Variants in KCNJ12 observed in about 807,000 individuals in gnomAD.
KCNJ12 encodes the protein potassium inwardly rectifying channel subfamily J member 12, also known as ATP-sensitive inward rectifier potassium channel 12.
Under a neutral mutation model 22.3 loss-of-function variants are expected in KCNJ12, and 2 were observed. That is an observed-to-expected ratio of 0.09 (90% confidence interval 0.04 to 0.28). KCNJ12 has a LOEUF of 0.28. Among genes scored for constraint, KCNJ12 ranks in the 10% least tolerant of loss-of-function variants. The pLI, the probability that KCNJ12 is intolerant of heterozygous loss-of-function variation, is 1.00. For synonymous variants in KCNJ12, 117 were observed against 261.4 expected, an observed-to-expected ratio of 0.45 and a Z score of 5.33; for missense variants, 155 against 633.3, an observed-to-expected ratio of 0.24 and a Z score of 8.11.
chr17:21,388,353 T>C (rs1480268775), intron 1 of KCNJ12, among the ~76,000 whole-genome samples: 1 of 152,200 alleles, frequency 6.6e-6, no homozygotes, highest in African/African-American at 2.4e-5. Context: ...TGCCTGCGCG[T>C]GGAGCCCGAG....
chr17:21,385,345 G>A (rs1436674713), intron 1 of KCNJ12, among the ~76,000 whole-genome samples: 1 of 152,226 alleles, frequency 6.6e-6, no homozygotes, highest in Non-Finnish European at 1.5e-5. Context: ...TGGGGAGGCA[G>A]TCCATTCTCG....
At position 21,376,952 on chromosome 17, in the gene KCNJ12, C is replaced by T. The variant is rs1057474287; in HGVS notation, c.-179+39C>T. The T allele has an allele frequency of 3.3e-5, 5 of 152,138 alleles. No individual in the cohort carries two copies. The highest frequency in any genetic ancestry group is 1.2e-4 in the African/African-American group (5 of 41,556). The allele number at this position is 152,138 out of a possible 1,614,324, so 9.4% of individuals were successfully genotyped here. ...CGCGGGCGCATGGTCCCTCCCGGGC[C>T]CGGCCCCAGTTCCCCGCAGGCCGCG... On this transcript the variant is annotated intron_variant, in intron 1 of 2. Coordinates refer to ENST00000583088, the MANE Select transcript of KCNJ12 (RefSeq NM_021012.5). This position sits in a 1 kb window ranked among gnomAD's most constrained non-coding sequence, Gnocchi z 5.3.
Position 21,380,593 on chromosome 17 carries a change from G to A in KCNJ12, c.-179+3680G>A, listed in dbSNP as rs571585969. ...GCAGTAGGAATGTGAGACTTGGAGCGTGCCTCTGGGAGTTGGGGGTGGGGA... is the reference window on the plus strand; with the variant it reads ...GCAGTAGGAATGTGAGACTTGGAGCATGCCTCTGGGAGTTGGGGGTGGGGA... On this transcript the variant is annotated intron_variant, in intron 1 of 2. Coordinates refer to ENST00000583088, the MANE Select transcript of KCNJ12 (RefSeq NM_021012.5). Among the ~76,000 whole-genome samples, 135 of 152,106 alleles carry A rather than the reference G, an allele frequency of 8.9e-4. 5 individuals carry two copies. In the South Asian group the frequency reaches 0.021, roughly 24 times the overall value.
At chr17:21,409,706 CAG>C (rs1393214008) in intron 2 of KCNJ12, among the ~76,000 whole-genome samples, 6 of 152,284 alleles carry the variant, frequency 3.9e-5, no homozygotes, top group Non-Finnish European at 7.3e-5. Context: ...AGCTTTTGGG[CAG>C]AGAGACACTG....
intron 1 of KCNJ12, among the ~76,000 whole-genome samples, chr17:21,382,914 C>T (rs1450686184): frequency 1.3e-5 from 2 of 152,228 alleles, no homozygotes; most frequent in Non-Finnish European, 2.9e-5. Context: ...GAGGGTGCGA[C>T]GTGACACCTC....
chr17:21,394,623 C>T (rs1196610545), intron 1 of KCNJ12, among the ~76,000 whole-genome samples: 1 of 152,154 alleles, frequency 6.6e-6, no homozygotes, highest in African/African-American at 2.4e-5. Flanking sequence ...CTGCCCTGTG[C>T]TGGGTGATGC....
At chr17:21,384,771 T>G (rs1333523948) in intron 1 of KCNJ12, among the ~76,000 whole-genome samples, 2 of 36,062 alleles carry the variant, frequency 5.5e-5, no homozygotes, top group South Asian at 7.9e-4. Context: ...TGTTTGTTTG[T>G]TTTTTTTTTT....
At position 21,377,297 on chromosome 17, in the gene KCNJ12, C is replaced by T. The variant is rs369440895; in HGVS notation, c.-179+384C>T. Among the ~76,000 whole-genome samples the T allele has an allele frequency of 8.5e-4, 130 of 152,164 alleles. 1 individual carries two copies. Among genetic ancestry groups the T allele is most frequent in the African/African-American group, 3.0e-3 (124 of 41,530 alleles). ...TCTGGCGCGCGGCACGGGTCCTACGCGTGACCTTCCCGGAGACCCCGCGAT... is the reference window on the plus strand; with the variant it reads ...TCTGGCGCGCGGCACGGGTCCTACGTGTGACCTTCCCGGAGACCCCGCGAT... On this transcript the variant is annotated intron_variant, in intron 1 of 2. Transcript: ENST00000583088.
chr17:21,404,183 C>T (rs1905796734), intron 1 of KCNJ12, among the ~76,000 whole-genome samples: 1 of 152,152 alleles, frequency 6.6e-6, no homozygotes, highest in Non-Finnish European at 1.5e-5. Flanking sequence ...CCCTGGTTTG[C>T]ACACAGTCAG....
intron 1 of KCNJ12, among the ~76,000 whole-genome samples, chr17:21,393,400 C>T (rs1207502143): frequency 6.6e-6 from 1 of 152,108 alleles, no homozygotes; most frequent in African/African-American, 2.4e-5. Flanking sequence ...CTGACCTGCA[C>T]ACCCTGCCCC....
At chr17:21,401,054 A>T (rs1338566054) in intron 1 of KCNJ12, among the ~76,000 whole-genome samples, 7 of 152,288 alleles carry the variant, frequency 4.6e-5, no homozygotes, top group African/African-American at 1.7e-4. Flanking sequence ...TCCCCCATCA[A>T]GTTCACAAAG....
intron 1 of KCNJ12, among the ~76,000 whole-genome samples, chr17:21,406,104 A>C (rs1905914655): frequency 1.3e-5 from 2 of 152,296 alleles, no homozygotes; most frequent in Non-Finnish European, 2.9e-5. Context: ...TTGGCTTCCC[A>C]TGGCCCTGTG....
chr17:21,395,274 G>C (rs1440261491), intron 1 of KCNJ12, among the ~76,000 whole-genome samples: 1 of 126,182 alleles, frequency 7.9e-6, no homozygotes, highest in East Asian at 2.7e-4. Flanking sequence ...CAGCCTAGGC[G>C]ACACAGCAAG....
At chr17:21,406,089 C>G (rs1905913540) in intron 1 of KCNJ12, among the ~76,000 whole-genome samples, 1 of 152,298 alleles carries the variant, frequency 6.6e-6, no homozygotes, top group Admixed American at 6.5e-5. Flanking sequence ...GGCCCCCACC[C>G]CTGCTTGGCT....
chr17:21,405,733 C>G (rs868943706), intron 1 of KCNJ12, among the ~76,000 whole-genome samples: 1 of 152,284 alleles, frequency 6.6e-6, no homozygotes, highest in South Asian at 2.1e-4. Flanking sequence ...ACCATAACCC[C>G]GGGAAGCATT....
intron 1 of KCNJ12, among the ~76,000 whole-genome samples, chr17:21,404,909 G>T (rs1345255669): frequency 4.6e-5 from 7 of 152,298 alleles, no homozygotes; most frequent in Non-Finnish European, 1.0e-4. Context: ...GTGGACGTTT[G>T]CCTTTTCTGG....
intron 1 of KCNJ12, among the ~76,000 whole-genome samples, chr17:21,395,568 CAAAAAAAAAAAA>C (rs10652801): frequency 2.1e-5 from 1 of 48,140 alleles, no homozygotes; most frequent in African/African-American, 1.0e-4. Context: ...GACTTCTTCT[CAAAAAAAAAAAA>C]AAAAAAAAAA....
At position 21,416,140 on chromosome 17, in the gene KCNJ12, G is replaced by T. The variant is rs73313929; in HGVS notation, c.798G>T (p.Ser266=). The change falls in exon 3 of 3, where the codon TCG becomes TCT. Residue 266 remains serine (S), a synonymous_variant. Coordinates refer to ENST00000583088, the MANE Select transcript of KCNJ12 (RefSeq NM_021012.5). ...DKGLDRIFLV[S]PITILHEIDE... is the part of the protein sequence containing the mutation. ...GCCTGGACCGCATCTTTCTGGTGTCGCCCATCACCATCTTGCATGAGATTG... is the reference window on the plus strand; with the variant it reads ...GCCTGGACCGCATCTTTCTGGTGTCTCCCATCACCATCTTGCATGAGATTG... 9.5e-7 allele frequency: 1 copy of T among 1,053,052 alleles called. No homozygotes were observed. The highest frequency in any genetic ancestry group is 1.4e-6 in the Non-Finnish European group (1 of 697,108). The allele number at this position is 1,053,052 out of a possible 1,614,324, so 65.2% of individuals were successfully genotyped here. A position where few individuals can be genotyped will look rare whatever the true frequency, so the allele number is the denominator to read the frequency against.
chr17:21,409,333 C>T (rs9912188), intron 2 of KCNJ12, among the ~76,000 whole-genome samples: 13,307 of 147,460 alleles, frequency 0.09, no homozygotes, highest in African/African-American at 0.29. Flanking sequence ...TGGTGTGGGG[C>T]ATCCAGGAGG....
Sources: gnomAD v4.1 joint callset for allele counts (sites outside exome capture counted in the v4.1 genomes callset) on GRCh38, gnomAD v4.1.1 for gene constraint, Gnocchi (gnomAD v3.1) non-coding constraint, MANE v1.5 for transcripts, NCBI Gene and HGNC (gene_info 2026-07-23, HGNC 2026-07-21) for gene names.